ENTREP2: variants seen among roughly 807,000 people sequenced by gnomAD.
ENTREP2 encodes endosomal transmembrane epsin interactor 2.
the ENTREP2 span, among the ~76,000 whole-genome samples, chr15:29,202,422 T>G: frequency 6.6e-5 from 10 of 152,194 alleles, no homozygotes; most frequent in African/African-American, 2.4e-4. Flanking sequence ...AATGTTTACA[T>G]TGCAGAATGA....
At chr15:29,148,121 G>A in the ENTREP2 span, among the ~76,000 whole-genome samples, 1 of 152,088 alleles carries the variant, frequency 6.6e-6, no homozygotes, top group Non-Finnish European at 1.5e-5. Context: ...GTAGATTAGT[G>A]GTTTCCTAGG....
the ENTREP2 span, among the ~76,000 whole-genome samples, chr15:29,478,019 A>ATATATATATATATATATTTTT: frequency 1.8e-5 from 1 of 54,286 alleles, no homozygotes; most frequent in South Asian, 9.5e-4. Flanking sequence ...ATATATATAT[A>ATATATATATATATATATTTTT]TTTTTTTTTT....
At chr15:29,269,758 G>A in the ENTREP2 span, 103 of 1,408,940 alleles carry the variant, frequency 7.3e-5, no homozygotes, top group South Asian at 2.4e-4. Context: ...AGCCGCGGCG[G>A]GGATTGCGGG....
the ENTREP2 span, among the ~76,000 whole-genome samples, chr15:29,657,251 G>A: frequency 3.3e-5 from 5 of 151,358 alleles, no homozygotes; most frequent in South Asian, 2.1e-4. Flanking sequence ...AGTGGCTACA[G>A]GGTTTCACCG....
the ENTREP2 span, among the ~76,000 whole-genome samples, chr15:29,497,358 A>G: frequency 0.013 from 2,055 of 152,280 alleles, 37 homozygotes; most frequent in African/African-American, 0.047. Flanking sequence ...TCTTCTTTAA[A>G]TGCTTGGTAG....
At chr15:29,632,722 G>A in the ENTREP2 span, among the ~76,000 whole-genome samples, 2 of 152,190 alleles carry the variant, frequency 1.3e-5, no homozygotes, top group African/African-American at 4.8e-5. Context: ...GGAGGCAGAG[G>A]TTGCAGTGAG....
At chr15:29,435,965 G>C in the ENTREP2 span, among the ~76,000 whole-genome samples, 2 of 152,096 alleles carry the variant, frequency 1.3e-5, no homozygotes, top group Non-Finnish European at 2.9e-5. Context: ...TAAGCCCTTT[G>C]CTACTGATGA....
At chr15:29,185,728 A>G in the ENTREP2 span, among the ~76,000 whole-genome samples, 2 of 151,760 alleles carry the variant, frequency 1.3e-5, no homozygotes, top group Non-Finnish European at 2.9e-5. Context: ...CACCTGGCTA[A>G]TTTTTGTATT....
chr15:29,623,181 G>A, the ENTREP2 span, among the ~76,000 whole-genome samples: 1 of 152,014 alleles, frequency 6.6e-6, no homozygotes, highest in Non-Finnish European at 1.5e-5. Context: ...GTAGCTCCTG[G>A]GGCCGTCTTC....
chr15:29,275,400 A>G, the ENTREP2 span, among the ~76,000 whole-genome samples: 1 of 152,268 alleles, frequency 6.6e-6, no homozygotes, highest in Non-Finnish European at 1.5e-5. Flanking sequence ...AGCTATGCAC[A>G]TTCACATGTT....
the ENTREP2 span, among the ~76,000 whole-genome samples, chr15:29,522,043 C>A: frequency 6.6e-6 from 1 of 152,106 alleles, no homozygotes; most frequent in Non-Finnish European, 1.5e-5. Context: ...GTCTTTTCAA[C>A]AAATGGTGCT....
chr15:29,347,227 T>A, the ENTREP2 span, among the ~76,000 whole-genome samples: 1 of 152,194 alleles, frequency 6.6e-6, no homozygotes, highest in Non-Finnish European at 1.5e-5. Context: ...CAGGCTAGAG[T>A]GCAGCTTCAC....
the ENTREP2 span, among the ~76,000 whole-genome samples, chr15:29,621,033 G>C: frequency 6.6e-6 from 1 of 152,084 alleles, no homozygotes; most frequent in African/African-American, 2.4e-5. Context: ...CCCAGGTCTT[G>C]CCTTAGGCAC....
the ENTREP2 span, among the ~76,000 whole-genome samples, chr15:29,489,180 G>A: frequency 6.6e-6 from 1 of 152,144 alleles, no homozygotes; most frequent in Non-Finnish European, 1.5e-5. Context: ...ACTGATCAAA[G>A]TTCTGAATCA....
At chr15:29,206,350 C>T in the ENTREP2 span, among the ~76,000 whole-genome samples, 1 of 152,152 alleles carries the variant, frequency 6.6e-6, no homozygotes, top group African/African-American at 2.4e-5. Context: ...CTAATACCAT[C>T]ACCATGGAGG....
the ENTREP2 span, among the ~76,000 whole-genome samples, chr15:29,178,149 C>T: frequency 6.6e-6 from 1 of 151,554 alleles, no homozygotes; most frequent in African/African-American, 2.4e-5. Context: ...ATAAAATTAG[C>T]TGCATATGGT....
the ENTREP2 span, among the ~76,000 whole-genome samples, chr15:29,398,491 A>G: frequency 6.6e-6 from 1 of 152,088 alleles, no homozygotes; most frequent in Non-Finnish European, 1.5e-5. Context: ...TGGGAGGCCG[A>G]GGCTAGCGGA....
the ENTREP2 span, among the ~76,000 whole-genome samples, chr15:29,209,016 A>G: frequency 0.044 from 6,664 of 152,114 alleles, 502 homozygotes; most frequent in African/African-American, 0.15. Context: ...GGTGCCCATG[A>G]GGAGTGTGGT....
the ENTREP2 span, among the ~76,000 whole-genome samples, chr15:29,368,061 G>T: frequency 6.6e-6 from 1 of 150,598 alleles, no homozygotes; most frequent in South Asian, 2.1e-4. Context: ...AGTGGCTCAT[G>T]CCTATAATCC....
Sources: allele counts gnomAD v4.1 joint callset (sites outside exome capture counted in the v4.1 genomes callset), GRCh38; gene constraint gnomAD v4.1.1; transcripts MANE v1.5; gene names NCBI Gene and HGNC (gene_info 2026-07-23, HGNC 2026-07-21).